The following GREB1 variants were observed in gnomAD, a reference collection of about 807,000 sequenced individuals.
GREB1 encodes the protein protein GREB1.
In GREB1, 106 loss-of-function variants were observed where a neutral mutation model predicts 200.7. That is an observed-to-expected ratio of 0.53 (90% CI 0.45 to 0.62). The LOEUF is 0.62. Among genes scored for constraint, GREB1 ranks in the 20% least tolerant of loss-of-function variants. GREB1 has a pLI of 0.00. For missense variants in GREB1, 2,243 were observed against 2,556.8 expected, an observed-to-expected ratio of 0.88 and a Z score of 2.65; for synonymous variants, 1,132 against 1,092.4, an observed-to-expected ratio of 1.04 and a Z score of -0.72.
chr2:11,504,685 CTT>C (rs1366111827), intron 1 of GREB1, among the ~76,000 whole-genome samples: 1 of 152,234 alleles, frequency 6.6e-6, no homozygotes, highest in Non-Finnish European at 1.5e-5. Context: ...TGTAATAGCA[CTT>C]TATTCCTTTT....
chr2:11,562,113 C>T (rs73915429), intron 2 of GREB1, among the ~76,000 whole-genome samples: 3,938 of 152,276 alleles, frequency 0.026, 192 homozygotes, highest in African/African-American at 0.087. Flanking sequence ...CTAGTGTACG[C>T]GCAGCTGTGA....
intron 1 of GREB1, among the ~76,000 whole-genome samples, chr2:11,541,850 A>G (rs1332961609): frequency 2.0e-5 from 3 of 152,202 alleles, no homozygotes; most frequent in African/African-American, 7.2e-5. Context: ...CCAGGCACAC[A>G]ATAGGTGTCT....
intron 16 of GREB1, among the ~76,000 whole-genome samples, chr2:11,601,205 A>T (rs1181486944): frequency 6.6e-6 from 1 of 152,154 alleles, no homozygotes; most frequent in Non-Finnish European, 1.5e-5. Context: ...TCATCTCGGA[A>T]GATGTAATGC....
Position 11,607,546 on chromosome 2 carries a change from ATG to A in GREB1, c.2667-3140_2667-3139del, listed in dbSNP as rs1481794904. Among the ~76,000 whole-genome samples, 354 of 140,480 alleles carry A rather than the reference ATG, an allele frequency of 2.5e-3. 2 individuals are homozygous for A. The highest frequency in any genetic ancestry group is 9.7e-3 in the African/African-American group (328 of 33,738). The allele number at this position is 140,480 out of a possible 152,430, so 92.2% of individuals were successfully genotyped here. ...TATATATACACATATATATACATAT[ATG>A]TACATACATATATATACGCATATAT... On this transcript the variant is annotated intron_variant, in intron 17 of 32. Coordinates refer to ENST00000381486, the MANE Select transcript of GREB1 (RefSeq NM_014668.4).
intron 17 of GREB1, among the ~76,000 whole-genome samples, chr2:11,603,925 A>C (rs140908683): frequency 2.4e-4 from 37 of 152,324 alleles, no homozygotes; most frequent in African/African-American, 8.4e-4. Flanking sequence ...AGAAACTGAG[A>C]CTTAGAGAAG....
At chr2:11,616,789 A>C in intron 21 of GREB1, 69 bp downstream of exon 21, 4 of 936,672 alleles carry the variant, frequency 4.3e-6, no homozygotes, top group South Asian at 1.3e-5. Context: ...AATGAAAAGA[A>C]ACCTATAGAG....
chr2:11,638,107 G>A (rs1685528356), intron 31 of GREB1, among the ~76,000 whole-genome samples, 191 bp downstream of exon 31: 1 of 152,208 alleles, frequency 6.6e-6, no homozygotes, highest in Non-Finnish European at 1.5e-5. Context: ...TAGGAAGCCA[G>A]CCCAATTCTG....
At position 11,635,227 on chromosome 2, in the gene GREB1, A is replaced by T. The variant is rs543927921; in HGVS notation, c.5211-43A>T. The stretch of plus-strand genomic sequence containing the variant: ...GCTGGGGGCAGTGACGGAGGGTGTG[A>T]GCTGTGCCCCATCAGACCCACCCCT... On this transcript the variant is annotated intron_variant, in intron 29 of 32. Transcript: ENST00000381486. 9 of 1,612,264 alleles carry T rather than the reference A, an allele frequency of 5.6e-6. No individual in the cohort carries two copies. In the Admixed American group the frequency reaches 1.5e-4, roughly 27 times the overall value.
intron 25 of GREB1, among the ~76,000 whole-genome samples, chr2:11,627,543 A>G (rs1684568139): frequency 6.6e-6 from 1 of 152,238 alleles, no homozygotes; most frequent in Non-Finnish European, 1.5e-5. Flanking sequence ...ACTATGGTTG[A>G]GGCACAGAAA....
intron 18 of GREB1, chr2:11,612,219 A>C: frequency 1.7e-5 from 8 of 484,128 alleles, no homozygotes; most frequent in Non-Finnish European, 2.0e-5. Flanking sequence ...AGACTTAAGG[A>C]GCAGCTGACA....
chr2:11,504,628 T>C (rs1251977538), intron 1 of GREB1, among the ~76,000 whole-genome samples: 1 of 152,228 alleles, frequency 6.6e-6, no homozygotes, highest in African/African-American at 2.4e-5. Flanking sequence ...TGTGTGTGGG[T>C]TCTTTCACCT....
At chr2:11,500,276 C>T (rs1367896667) in intron 1 of GREB1, among the ~76,000 whole-genome samples, 2 of 152,128 alleles carry the variant, frequency 1.3e-5, no homozygotes, top group African/African-American at 2.4e-5. Context: ...ATTCTCCTGC[C>T]TCAGCCTCCT....
At chr2:11,519,350 A>G (rs753609862) in intron 1 of GREB1, among the ~76,000 whole-genome samples, 1 of 150,352 alleles carries the variant, frequency 6.7e-6, no homozygotes, top group African/African-American at 2.5e-5. Context: ...GAGGGTCTTT[A>G]TTAGGTCTCT....
chr2:11,484,704 G>T (rs935666106), intron 1 of GREB1, among the ~76,000 whole-genome samples: 1 of 152,180 alleles, frequency 6.6e-6, no homozygotes, highest in Non-Finnish European at 1.5e-5. Flanking sequence ...GGTCTCTTGA[G>T]CCCACGAGTT....
chr2:11,624,997 G>A (rs1456363498), intron 23 of GREB1, among the ~76,000 whole-genome samples, 157 bp from the exon 24 acceptor site: 1 of 152,224 alleles, frequency 6.6e-6, no homozygotes, highest in Non-Finnish European at 1.5e-5. Context: ...GCTGTGCCGT[G>A]TAGGTGTGTG....
At chr2:11,599,011 A>T in intron 15 of GREB1, 151 bp downstream of exon 15, 1 of 682,748 alleles carries the variant, frequency 1.5e-6, no homozygotes, top group South Asian at 1.8e-5. Context: ...GGTTTCCCAC[A>T]ATCTTGAGCT....
chr2:11,590,563 A>G (rs1680628330), intron 10 of GREB1, among the ~76,000 whole-genome samples: 1 of 152,132 alleles, frequency 6.6e-6, no homozygotes, highest in South Asian at 2.1e-4. Context: ...TGGGTCACTC[A>G]TCATCTCCTC....
intron 22 of GREB1, among the ~76,000 whole-genome samples, chr2:11,620,277 G>A (rs894569884): frequency 3.9e-5 from 6 of 152,314 alleles, no homozygotes; most frequent in Non-Finnish European, 8.8e-5. Context: ...ACCCACGCCT[G>A]TAGTGGCTGT....
intron 1 of GREB1, among the ~76,000 whole-genome samples, chr2:11,503,193 C>T (rs1486790844): frequency 6.6e-6 from 1 of 152,192 alleles, no homozygotes; most frequent in Non-Finnish European, 1.5e-5. Context: ...GGGAAGTCCC[C>T]TTTTCTCCTC....
Sources: gnomAD v4.1 joint callset for allele counts (sites outside exome capture counted in the v4.1 genomes callset) on GRCh38, gnomAD v4.1.1 for gene constraint, MANE v1.5 for transcripts, NCBI Gene and HGNC (gene_info 2026-07-23, HGNC 2026-07-21) for gene names.